The following GPR158 variants were observed in gnomAD, a reference collection of about 807,000 sequenced individuals.
GPR158 encodes the protein metabotropic glycine receptor.
GPR158 carries 30 observed loss-of-function variants against 78.2 expected under a neutral mutation model. The ratio of observed to expected loss-of-function variants is 0.38; its 90% CI spans 0.29 to 0.52. GPR158 has a LOEUF of 0.52. Ranked by LOEUF, GPR158 falls within the 20% of genes least tolerant of loss-of-function variation. The pLI is 0.83. For missense variants in GPR158, 1,463 were observed against 1,523.5 expected (o/e 0.96, Z 0.66); for synonymous variants, 581 against 591.1 (o/e 0.98, Z 0.25).
At chr10:25,565,883 T>A (rs1444815875) in intron 6 of GPR158, among the ~76,000 whole-genome samples, 8 of 152,122 alleles carry the variant, frequency 5.3e-5, no homozygotes. Flanking sequence ...GTACAAAGCT[T>A]CCACAGTGTG....
In GPR158 at chr10:25,598,482, G is replaced by T; in HGVS notation, c.2856G>T (p.Glu952Asp). The T allele has an allele frequency of 6.2e-7, 1 of 1,614,052 alleles. No individual in the cohort carries two copies. Among genetic ancestry groups the T allele is most frequent in the Non-Finnish European group, 8.5e-7 (1 of 1,180,020 alleles). Residue 952 changes from glutamate (E) to aspartate (D), a missense_variant, in exon 11 of 11, where the codon GAG (glutamate) becomes GAT (aspartate). Transcript: ENST00000376351. ...NRNHSNSDNT[E>D]TKDPAPQNSN... ...ATCACTCAAATTCTGATAACACAGA[G>T]ACTAAAGATCCTGCCCCCCAAAACT... is the stretch of plus-strand genomic sequence containing the variant.
intron 2 of GPR158, among the ~76,000 whole-genome samples, chr10:25,289,160 T>A (rs1189883024): frequency 2.0e-5 from 3 of 152,230 alleles, no homozygotes; most frequent in Admixed American, 6.5e-5. Context: ...CAAAAACATT[T>A]ATTGAACTTC....
At chr10:25,570,124 T>G (rs1341013420) in intron 6 of GPR158, among the ~76,000 whole-genome samples, 1 of 152,208 alleles carries the variant, frequency 6.6e-6, no homozygotes, top group Non-Finnish European at 1.5e-5. Context: ...TGATTACAAC[T>G]TTCTGCTACA....
intron 3 of GPR158, among the ~76,000 whole-genome samples, chr10:25,410,381 G>T (rs908354268): frequency 6.6e-6 from 1 of 152,140 alleles, no homozygotes; most frequent in African/African-American, 2.4e-5. Context: ...ACTTTGGGAG[G>T]CTGAGGCAGG....
At chr10:25,447,391 A>G (rs1184823263) in intron 4 of GPR158, among the ~76,000 whole-genome samples, 3 of 152,220 alleles carry the variant, frequency 2.0e-5, no homozygotes, top group Non-Finnish European at 4.4e-5. Flanking sequence ...CTCAGGTCAT[A>G]AAGACTGCAA....
chr10:25,214,723 A>T (rs898588099), intron 1 of GPR158, among the ~76,000 whole-genome samples: 3 of 152,020 alleles, frequency 2.0e-5, no homozygotes, highest in Non-Finnish European at 2.9e-5. Context: ...GTCCTAATCC[A>T]ACTTGACTGA....
At chr10:25,565,774 C>G (rs1307629198) in intron 6 of GPR158, among the ~76,000 whole-genome samples, 1 of 152,146 alleles carries the variant, frequency 6.6e-6, no homozygotes. Context: ...TCTTGCCTAG[C>G]CACGCCAAAG....
At chr10:25,340,137 C>T (rs1490284117) in intron 2 of GPR158, among the ~76,000 whole-genome samples, 1 of 152,076 alleles carries the variant, frequency 6.6e-6, no homozygotes, top group Admixed American at 6.6e-5. Flanking sequence ...AGAGTGCTCA[C>T]CTCAGTGAGG....
chr10:25,535,531 G>A (rs1272751671), intron 5 of GPR158, among the ~76,000 whole-genome samples: 2 of 152,164 alleles, frequency 1.3e-5, no homozygotes, highest in African/African-American at 4.8e-5. Context: ...CCTTCAGATG[G>A]AACCCCAGAC....
chr10:25,311,588 T>C (rs1263486268), intron 2 of GPR158, among the ~76,000 whole-genome samples: 1 of 152,008 alleles, frequency 6.6e-6, no homozygotes, highest in Non-Finnish European at 1.5e-5. Context: ...TTTTCAGAAA[T>C]TGCGAATTGA....
chr10:25,232,729 C>T (rs559841677), intron 2 of GPR158, among the ~76,000 whole-genome samples: 4 of 152,234 alleles, frequency 2.6e-5, no homozygotes, highest in South Asian at 2.1e-4. Context: ...CACTTGAAAA[C>T]GCTTTTGTCC....
chr10:25,252,037 T>C (rs1043045424), intron 2 of GPR158, among the ~76,000 whole-genome samples: 49 of 151,678 alleles, frequency 3.2e-4, no homozygotes, highest in African/African-American at 1.1e-3. Context: ...TTCTCTAAAC[T>C]TCCCTTCTCG....
intron 2 of GPR158, among the ~76,000 whole-genome samples, chr10:25,233,396 G>A (rs770319837): frequency 3.3e-5 from 5 of 150,750 alleles, no homozygotes; most frequent in African/African-American, 2.4e-5. Flanking sequence ...TTTTTTCCCT[G>A]CTGGTGGTTA....
At chr10:25,389,215 A>G (rs1418070809) in intron 2 of GPR158, among the ~76,000 whole-genome samples, 1 of 152,146 alleles carries the variant, frequency 6.6e-6, no homozygotes, top group East Asian at 1.9e-4. Flanking sequence ...CCATGGACCA[A>G]TGGACATGTA....
At position 25,521,020 on chromosome 10, in the gene GPR158, CTG is replaced by C. The variant is rs1439267293; in HGVS notation, c.1405-29953_1405-29952del. 2.6e-5 allele frequency among the ~76,000 whole-genome samples: 4 copies of C among 151,782 alleles called. No homozygotes were observed. In the East Asian group the frequency reaches 5.8e-4, roughly 22 times the overall value. ...TGCTGTGCTAGCAATCAGCGAGACT[CTG>C]TGGGCGTAGGACCCTCCGAGCCAGG... is the stretch of plus-strand genomic sequence containing the variant. On this transcript the variant is annotated intron_variant, in intron 5 of 10. Transcript: ENST00000376351.
intron 6 of GPR158, among the ~76,000 whole-genome samples, chr10:25,555,113 A>T (rs1220964428): frequency 6.6e-6 from 1 of 151,982 alleles, no homozygotes; most frequent in African/African-American, 2.4e-5. Context: ...AAAAAGAAAG[A>T]GGTTATTGTA....
chr10:25,335,389 A>G (rs537980186), intron 2 of GPR158, among the ~76,000 whole-genome samples: 3 of 152,218 alleles, frequency 2.0e-5, no homozygotes, highest in Admixed American at 2.0e-4. Flanking sequence ...TTGATGTTAT[A>G]AAGGATGGAA....
intron 4 of GPR158, among the ~76,000 whole-genome samples, chr10:25,414,999 A>T (rs557560264): frequency 3.1e-4 from 47 of 152,242 alleles, no homozygotes; most frequent in African/African-American, 1.1e-3. Context: ...GTAAAATGGC[A>T]TTCACACACC....
At chr10:25,330,530 C>A in intron 2 of GPR158, among the ~76,000 whole-genome samples, 1 of 152,102 alleles carries the variant, frequency 6.6e-6, no homozygotes, top group East Asian at 1.9e-4. Context: ...GGATTTGCAG[C>A]TTAGTAGATT....
Sources: gnomAD v4.1 joint callset for allele counts (sites outside exome capture counted in the v4.1 genomes callset) on GRCh38, gnomAD v4.1.1 for gene constraint, MANE v1.5 for transcripts, NCBI Gene and HGNC (gene_info 2026-07-23, HGNC 2026-07-21) for gene names.